The following MYO9B variants were observed in gnomAD, a reference collection of about 807,000 sequenced individuals.
The protein encoded by MYO9B is unconventional myosin-IXb.
Under a neutral mutation model 229.5 loss-of-function variants are expected in MYO9B, and 71 were observed. The observed-to-expected ratio is 0.31, with a 90% CI of 0.26 to 0.38. The LOEUF (loss-of-function observed/expected upper bound fraction) is 0.38. Among genes scored for constraint, MYO9B ranks in the 10% least tolerant of loss-of-function variants. The pLI, the probability that MYO9B is intolerant of heterozygous loss-of-function variation, is 1.00. For missense variants in MYO9B, 2,255 were observed against 2,920.5 expected (o/e 0.77, Z 5.25); for synonymous variants, 1,185 against 1,235.8 (o/e 0.96, Z 0.86).
Position 17,198,317 on chromosome 19 carries a change from T to G in MYO9B, c.4238+9T>G, listed in dbSNP as rs367678268. 2.5e-6 allele frequency: 4 copies of G among 1,613,410 alleles called. No individual in the cohort carries two copies. In the African/African-American group the frequency reaches 5.3e-5, roughly 22 times the overall value. Reference sequence around the variant, plus strand: ...TCTCAGGTCGACTCTAAGTAAGTATTGGGCTTGGGGGAAACTCAGGCCACC... The same window carrying G: ...TCTCAGGTCGACTCTAAGTAAGTATGGGGCTTGGGGGAAACTCAGGCCACC... On this transcript the variant is annotated intron_variant, in intron 24 of 39. Coordinates refer to ENST00000682292, the MANE Select transcript of MYO9B (RefSeq NM_004145.4).
intron 13 of MYO9B, among the ~76,000 whole-genome samples, chr19:17,175,279 T>TAA (rs568328254): frequency 2.2e-3 from 281 of 129,176 alleles, no homozygotes; most frequent in African/African-American, 4.8e-3. Context: ...GGTAAAAAAT[T>TAA]AAAAAAAAAA....
intron 8 of MYO9B, among the ~76,000 whole-genome samples, chr19:17,161,077 G>A (rs2072596296): frequency 6.6e-6 from 1 of 152,060 alleles, no homozygotes; most frequent in South Asian, 2.1e-4. Flanking sequence ...TGGGATGACA[G>A]GCGTGAGCCA....
intron 1 of MYO9B, among the ~76,000 whole-genome samples, chr19:17,099,833 AAAG>A (rs1279864001): frequency 6.8e-6 from 1 of 147,726 alleles, no homozygotes; most frequent in Non-Finnish European, 1.5e-5. Flanking sequence ...AAAAAAAAAA[AAAG>A]GCCGGGTGCG....
chr19:17,123,424 T>TTGTGTGTGTGTGTGTG (rs3222984), intron 2 of MYO9B, among the ~76,000 whole-genome samples: 353 of 146,922 alleles, frequency 2.4e-3, no homozygotes, highest in Middle Eastern at 7.2e-3. Context: ...CAGTAGAAAT[T>TTGTGTGTGTGTGTGTG]TGTGTGTGTG....
intron 1 of MYO9B, among the ~76,000 whole-genome samples, chr19:17,079,447 C>T (rs889091894): frequency 6.6e-6 from 1 of 152,140 alleles, no homozygotes; most frequent in Admixed American, 6.5e-5. Context: ...AGGAACTGTC[C>T]TCGTCTTAGA....
chr19:17,126,728 G>C (rs961874644), intron 2 of MYO9B, among the ~76,000 whole-genome samples: 9 of 147,034 alleles, frequency 6.1e-5, no homozygotes, highest in Admixed American at 5.5e-4. Context: ...GCAGTGGTGC[G>C]ATCTCAGCTC....
At chr19:17,147,006 C>T (rs2072419033) in intron 3 of MYO9B, among the ~76,000 whole-genome samples, 1 of 152,224 alleles carries the variant, frequency 6.6e-6, no homozygotes, top group Non-Finnish European at 1.5e-5. Flanking sequence ...TTTCCCAGTG[C>T]CCAGGCTCCA....
chr19:17,121,419 A>T (rs1014640348), intron 2 of MYO9B, among the ~76,000 whole-genome samples: 3 of 150,264 alleles, frequency 2.0e-5, no homozygotes, highest in African/African-American at 7.5e-5. Context: ...GAGGGAACCC[A>T]CACTTACAGC....
rs1307638054 is a variant in MYO9B at position 17,154,314 on chromosome 19, G to A, written c.1099-1G>A. 6.2e-7 allele frequency: 1 copy of A among 1,610,700 alleles called. No individual in the cohort carries two copies. The highest frequency in any genetic ancestry group is 1.7e-5 in the Admixed American group (1 of 59,728). On this transcript the variant is annotated splice_acceptor_variant, in intron 5 of 39. Transcript: ENST00000682292. LOFTEE classifies it high-confidence loss of function. ...AGAGTACCCATGCCTTTGTTTTCCA[G>A]CATAACTTGAAGATTGAAGATGGGG...
At chr19:17,166,500 T>TA (rs200098531) in intron 10 of MYO9B, among the ~76,000 whole-genome samples, 5 of 145,540 alleles carry the variant, frequency 3.4e-5, no homozygotes, top group African/African-American at 1.3e-4. Flanking sequence ...TATATTTATG[T>TA]TTTTTTTTTT....
intron 2 of MYO9B, among the ~76,000 whole-genome samples, chr19:17,116,235 G>A (rs1299521332): frequency 6.6e-6 from 1 of 152,202 alleles, no homozygotes; most frequent in Admixed American, 6.5e-5. Context: ...GGACTCAGTG[G>A]GAAGAGGATC....
intron 1 of MYO9B, among the ~76,000 whole-genome samples, chr19:17,080,415 C>T (rs1349967602): frequency 1.3e-5 from 2 of 152,170 alleles, no homozygotes; most frequent in Admixed American, 6.5e-5. Flanking sequence ...TTCCACGCCT[C>T]TCTCTGTTGG....
At chr19:17,156,776 T>TA in intron 6 of MYO9B, 133 bp from the exon 7 acceptor site, 1 of 1,016,176 alleles carries the variant, frequency 9.8e-7, no homozygotes, top group Non-Finnish European at 1.4e-6. Context: ...ACAGAGGCCT[T>TA]AGACATTTTT....
At chr19:17,205,164 A>AAG (rs1555705698) in intron 30 of MYO9B, 99 bp from the exon 31 acceptor site, 35,538 of 736,252 alleles carry the variant, frequency 0.048, 242 homozygotes, top group East Asian at 0.14. Context: ...AAAAAAAAAA[A>AAG]AAGAAGGCAA....
intron 15 of MYO9B, among the ~76,000 whole-genome samples, chr19:17,182,710 G>A (rs1170747766): frequency 2.6e-5 from 4 of 152,036 alleles, no homozygotes; most frequent in Non-Finnish European, 5.9e-5. Flanking sequence ...AGGGATTCAG[G>A]TGAAACTGAA....
rs920655943 is a variant in MYO9B, at chr19:17,199,677, C to G, written c.4239-616C>G. On this transcript the variant is annotated intron_variant, in intron 24 of 39. Transcript: ENST00000682292. ...TACAGGTGTGCACCACCATGCCCAG[C>G]TAATTTTTTTTTCTTTTTTTTTCTT... Among the ~76,000 whole-genome samples the G allele has an allele frequency of 2.0e-4, 28 of 141,350 alleles. 1 individual carries two copies. Among genetic ancestry groups the G allele is most frequent in the Non-Finnish European group, 3.3e-4 (22 of 66,384 alleles). 92.7% of individuals were successfully genotyped at this position (141,350 alleles called of 152,430 possible). A position where few individuals can be genotyped will look rare whatever the true frequency, so the allele number is the denominator to read the frequency against.
At chr19:17,206,530 G>A in intron 33 of MYO9B, 149 bp from the exon 34 acceptor site, 1 of 1,307,390 alleles carries the variant, frequency 7.6e-7, no homozygotes, top group Non-Finnish European at 1.0e-6. Flanking sequence ...CCCAGTTTGG[G>A]GTGGGGCCAG....
At position 17,101,267 on chromosome 19, in the gene MYO9B, T is replaced by G. The variant is rs2057741979; in HGVS notation, c.-58-393T>G. On this transcript the variant is annotated intron_variant, in intron 1 of 39. Coordinates refer to ENST00000682292, the MANE Select transcript of MYO9B (RefSeq NM_004145.4). This position sits in a 1 kb window ranked among gnomAD's most constrained non-coding sequence, Gnocchi z 4.7. ...ATCATGGCTCACTGCAGCCTCGATC[T>G]CCTGGGTTCAAGTGATCCTCCCATC... Among the ~76,000 whole-genome samples, 1 of 151,858 alleles carries G rather than the reference T, an allele frequency of 6.6e-6. No individual in the cohort carries two copies. Among genetic ancestry groups the G allele is most frequent in the Non-Finnish European group, 1.5e-5 (1 of 67,978 alleles).
chr19:17,105,932 AC>A (rs2057788359), intron 2 of MYO9B, among the ~76,000 whole-genome samples: 1 of 151,954 alleles, frequency 6.6e-6, no homozygotes, highest in Admixed American at 6.6e-5. Flanking sequence ...GAGCAATTTC[AC>A]CATAGAATGT....
Sources: allele counts gnomAD v4.1 joint callset (sites outside exome capture counted in the v4.1 genomes callset), GRCh38; gene constraint gnomAD v4.1.1; non-coding constraint Gnocchi (gnomAD v3.1); transcripts MANE v1.5; gene names NCBI Gene and HGNC (gene_info 2026-07-23, HGNC 2026-07-21).